ERI1: variants seen among roughly 807,000 people sequenced by gnomAD.
The protein encoded by ERI1 is 3'-5' exoribonuclease 1.
ERI1 carries 39 observed loss-of-function variants against 39.7 expected under a neutral mutation model. The ratio of observed to expected loss-of-function variants is 0.98; its 90% CI spans 0.76 to 1.28. The LOEUF is 1.28. ERI1 is among the 50% of genes most tolerant of loss of function. The pLI is 0.00. For synonymous variants in ERI1, 204 were observed against 149.6 expected, an observed-to-expected ratio of 1.36 and a Z score of -2.65; for missense variants, 581 against 416.9, an observed-to-expected ratio of 1.39 and a Z score of -3.43.
At chr8:9,026,096 C>A (rs574929318) in intron 6 of ERI1, among the ~76,000 whole-genome samples, 25 of 152,262 alleles carry the variant, frequency 1.6e-4, no homozygotes, top group African/African-American at 5.8e-4. Flanking sequence ...AAGCATGTGT[C>A]ATGTACCTGT....
chr8:9,096,186 C>G (rs906585825), intron 3 of ERI1, among the ~76,000 whole-genome samples: 6 of 152,206 alleles, frequency 3.9e-5, no homozygotes, highest in Non-Finnish European at 8.8e-5. Flanking sequence ...TGGCTTTAGC[C>G]TTGAATGAAA....
rs552574154 is a variant in ERI1 at position 9,077,339 on chromosome 8, T to C, written n.300-39009T>C. On this transcript the variant is annotated intron_variant and non_coding_transcript_variant, in intron 3 of 3. Transcript: ENST00000518663. ...AACCTATGTAGAGGCAAAGGGAACT[T>C]TCCTTTTACCTTCTGAAGGTTCAAT... 6.9e-4 allele frequency among the ~76,000 whole-genome samples: 105 copies of C among 152,318 alleles called. 3 individuals carry two copies. The South Asian group carries it at 0.017, about 24-fold the overall frequency.
chr8:9,060,179 G>A (rs1434198543), intron 3 of ERI1, among the ~76,000 whole-genome samples: 1 of 152,116 alleles, frequency 6.6e-6, no homozygotes, highest in African/African-American at 2.4e-5. Flanking sequence ...AACTGCTTGG[G>A]TGATTTGACT....
intron 6 of ERI1, among the ~76,000 whole-genome samples, chr8:9,020,825 T>TA (rs992439028): frequency 2.6e-5 from 4 of 152,220 alleles, no homozygotes; most frequent in South Asian, 4.1e-4. Flanking sequence ...TTGCAAGACT[T>TA]ACAATGAATG....
chr8:9,076,954 A>G (rs1799229245), intron 3 of ERI1, among the ~76,000 whole-genome samples: 1 of 152,236 alleles, frequency 6.6e-6, no homozygotes, highest in Non-Finnish European at 1.5e-5. Flanking sequence ...GGACATGGGA[A>G]TAAAACCAAA....
At chr8:9,070,125 G>A (rs1181272048) in intron 3 of ERI1, among the ~76,000 whole-genome samples, 1 of 151,986 alleles carries the variant, frequency 6.6e-6, no homozygotes, top group Non-Finnish European at 1.5e-5. Flanking sequence ...TGTAATCCCA[G>A]CTACTCTGGA....
chr8:9,088,653 G>A (rs4841097), intron 3 of ERI1: 110,054 of 152,096 alleles, frequency 0.72, 41,352 homozygotes, highest in African/African-American at 0.81. Context: ...TGCCCATTCA[G>A]CCAGTGCAAG....
chr8:9,095,007 G>A (rs1799832503), intron 3 of ERI1, among the ~76,000 whole-genome samples: 1 of 152,128 alleles, frequency 6.6e-6, no homozygotes. Context: ...ATGGGCTTTG[G>A]AGCCAGAAGG....
intron 6 of ERI1, among the ~76,000 whole-genome samples, chr8:9,021,770 T>G (rs538315048): frequency 1.2e-5 from 1 of 82,070 alleles, no homozygotes; most frequent in South Asian, 2.8e-4. Flanking sequence ...TATTTGTTTT[T>G]TTTGTTTTTT....
intron 3 of ERI1, among the ~76,000 whole-genome samples, chr8:9,078,294 G>A (rs962526740): frequency 1.3e-5 from 2 of 151,520 alleles, no homozygotes; most frequent in Admixed American, 1.3e-4. Flanking sequence ...CTGCCCTACC[G>A]CCCTGTGTTT....
intron 3 of ERI1, among the ~76,000 whole-genome samples, chr8:9,064,164 C>T (rs567639049): frequency 1.7e-4 from 25 of 146,626 alleles, no homozygotes; most frequent in South Asian, 2.2e-4. Flanking sequence ...GAGATCGGGG[C>T]ATGGAAATAA....
At chr8:9,073,792 G>A (rs879633345) in intron 3 of ERI1, among the ~76,000 whole-genome samples, 2 of 152,074 alleles carry the variant, frequency 1.3e-5, no homozygotes, top group Non-Finnish European at 2.9e-5. Context: ...GGACTCTAAG[G>A]ACTGACATGA....
At chr8:9,098,644 C>T (rs937310786) in intron 3 of ERI1, among the ~76,000 whole-genome samples, 3 of 151,934 alleles carry the variant, frequency 2.0e-5, no homozygotes, top group Non-Finnish European at 4.4e-5. Flanking sequence ...GCAATGGGTG[C>T]ACCAAAATCA....
chr8:9,085,000 C>A (rs1799481336), intron 3 of ERI1, among the ~76,000 whole-genome samples: 1 of 152,146 alleles, frequency 6.6e-6, no homozygotes, highest in African/African-American at 2.4e-5. Context: ...AGCCCACCAA[C>A]CAACAGCATC....
In ERI1 at chr8:9,029,880, C is replaced by G. The variant is rs1489847337; in HGVS notation, c.896C>G (p.Ser299Cys). Reference protein sequence around the residue: ...DGRPHCGLDDSKNIARIAVRM... With the variant: ...DGRPHCGLDDCKNIARIAVRM... Reference sequence around the variant, plus strand: ...CGGCCTCACTGTGGTCTTGATGACTCTAAGAATATCGCCCGAATAGCAGTT... The same window carrying G: ...CGGCCTCACTGTGGTCTTGATGACTGTAAGAATATCGCCCGAATAGCAGTT... Residue 299 changes from serine to cysteine, a missense_variant, in exon 7 of 7, where the codon TCT (serine) becomes TGT (cysteine). Physicochemically the swap from Ser to Cys is moderately radical, Grantham distance 112. Transcript: ENST00000250263. The G allele has an allele frequency of 2.5e-6, 4 of 1,614,040 alleles. No homozygotes were observed. The highest frequency in any genetic ancestry group is 2.2e-5 in the East Asian group (1 of 44,888).
At chr8:9,080,412 C>T (rs7014665) in intron 3 of ERI1, among the ~76,000 whole-genome samples, 4,027 of 152,232 alleles carry the variant, frequency 0.026, 160 homozygotes, top group African/African-American at 0.086. Context: ...GTGACAGTGA[C>T]ATTTCTCCTT....
chr8:9,022,109 T>C (rs1375786247), intron 6 of ERI1, among the ~76,000 whole-genome samples: 2 of 152,164 alleles, frequency 1.3e-5, no homozygotes. Flanking sequence ...TTTGCACTCT[T>C]ATCAGTGCTA....
chr8:9,062,261 T>G (rs534672643), intron 3 of ERI1, among the ~76,000 whole-genome samples: 1 of 151,358 alleles, frequency 6.6e-6, no homozygotes, highest in South Asian at 2.1e-4. Context: ...AAGGAGGGAG[T>G]AGAGGTATCT....
At chr8:9,034,947 T>A (rs941701922), downstream of ERI1, among the ~76,000 whole-genome samples, 1 of 152,164 alleles carries the variant, frequency 6.6e-6, no homozygotes, top group East Asian at 1.9e-4. Context: ...GGAGAAAGTT[T>A]TAGTGGTGTG....
Sources: gnomAD v4.1 joint callset for allele counts (sites outside exome capture counted in the v4.1 genomes callset) on GRCh38, gnomAD v4.1.1 for gene constraint, MANE v1.5 for transcripts, NCBI Gene and HGNC (gene_info 2026-07-23, HGNC 2026-07-21) for gene names.